Variants in NUP210L observed in about 807,000 individuals in gnomAD.
NUP210L encodes nucleoporin 210 like.
NUP210L carries 74 observed loss-of-function variants against 208.5 expected under a neutral mutation model. The ratio of observed to expected loss-of-function variants is 0.35; its 90% CI spans 0.29 to 0.43. The LOEUF (loss-of-function observed/expected upper bound fraction) is 0.43, where lower values mean the gene tolerates loss of function less well. Ranked by LOEUF, NUP210L falls within the 20% of genes least tolerant of loss-of-function variation. NUP210L has a pLI of 1.00. For synonymous variants in NUP210L, 780 were observed against 816.9 expected (o/e 0.95, Z 0.77); for missense variants, 1,843 against 2,289.4 (o/e 0.81, Z 3.98).
chr1:154,025,513 TG>T (rs1313969757), intron 30 of NUP210L, 28 bp downstream of exon 30: 4 of 1,439,848 alleles, frequency 2.8e-6, no homozygotes, highest in African/African-American at 1.4e-5. Context: ...TTTATTTATT[TG>T]TTTTTTTTAG....
At position 154,029,917 on chromosome 1, in the gene NUP210L, G is replaced by A. The variant is rs191534009; in HGVS notation, c.3834C>T (p.Leu1278=). The A allele has an allele frequency of 2.1e-3, 3,438 of 1,608,720 alleles. 9 individuals carry two copies. Among genetic ancestry groups the A allele is most frequent in the South Asian group, 3.7e-3 (332 of 89,600 alleles). ...TTACCAGGATCTGTACTTCATCAGA[G>A]AGTTCCAACAAATTCCCCTCAAACT... The change falls in exon 28 of 40, where the codon CTC becomes CTT. Residue 1278 remains leucine, a synonymous_variant. Transcript: ENST00000368559.
exon 30 of NUP210L, chr1:154,025,690 C>G: frequency 6.2e-7 from 1 of 1,612,900 alleles, no homozygotes; most frequent in Non-Finnish European, 8.5e-7. Flanking sequence ...CTTGAGAACA[C>G]GAGAACTCAC....
At chr1:154,126,121 G>A (rs879492118) in intron 10 of NUP210L, among the ~76,000 whole-genome samples, 9 of 151,896 alleles carry the variant, frequency 5.9e-5, no homozygotes, top group South Asian at 2.1e-4. Flanking sequence ...CACAATGACC[G>A]CAAATGCAGA....
At chr1:154,105,446 G>A (rs180733461) in intron 12 of NUP210L, among the ~76,000 whole-genome samples, 260 of 145,736 alleles carry the variant, frequency 1.8e-3, no homozygotes, top group African/African-American at 6.5e-3. Flanking sequence ...CCGAGATCAC[G>A]CCACTGCACT....
At chr1:154,096,352 A>G (rs1656180274) in intron 14 of NUP210L, among the ~76,000 whole-genome samples, 1 of 152,246 alleles carries the variant, frequency 6.6e-6, no homozygotes, top group African/African-American at 2.4e-5. Context: ...AATTCAATAA[A>G]TATTCACTTA....
exon 28 of NUP210L, chr1:154,030,030 G>A: frequency 6.2e-7 from 1 of 1,607,324 alleles, no homozygotes; most frequent in Non-Finnish European, 8.5e-7. Flanking sequence ...GCAAAGTTAT[G>A]CTCTACTGGG....
chr1:154,025,355 CT>C (rs11326284), intron 30 of NUP210L, among the ~76,000 whole-genome samples, 186 bp downstream of exon 30: 38,390 of 125,558 alleles, frequency 0.31, 6,617 homozygotes, highest in East Asian at 0.62. Context: ...TCTTCTTCTC[CT>C]TTTTTTTTTT....
intron 16 of NUP210L, among the ~76,000 whole-genome samples, chr1:154,071,295 T>A (rs949799897): frequency 1.1e-4 from 16 of 151,966 alleles, no homozygotes; most frequent in Non-Finnish European, 1.6e-4. Context: ...TTTTAATTTT[T>A]AAATTTTTTT....
At chr1:154,135,779 G>A (rs1172137481) in intron 7 of NUP210L, 35 bp downstream of exon 7, 1 of 1,582,210 alleles carries the variant, frequency 6.3e-7, no homozygotes, top group Admixed American at 1.7e-5. Context: ...TCAAGGAAGT[G>A]TAGACTGGCA....
chr1:154,150,175 G>A (rs1659312731), intron 2 of NUP210L, among the ~76,000 whole-genome samples: 1 of 152,128 alleles, frequency 6.6e-6, no homozygotes, highest in African/African-American at 2.4e-5. Context: ...GGGAGTTCGA[G>A]ATGAGCCTGA....
intron 5 of NUP210L, among the ~76,000 whole-genome samples, chr1:154,139,264 G>A (rs973128294): frequency 6.6e-6 from 1 of 152,072 alleles, no homozygotes. Flanking sequence ...TTTCAAATCA[G>A]TGAACTCATG....
intron 15 of NUP210L, among the ~76,000 whole-genome samples, chr1:154,090,472 C>T (rs950471736): frequency 3.3e-5 from 5 of 152,076 alleles, no homozygotes; most frequent in African/African-American, 1.2e-4. Flanking sequence ...TGATAAAAGC[C>T]TTACCACAGT....
Position 154,152,872 on chromosome 1 carries a change from C to T in NUP210L, c.204G>A (p.Trp68Ter). Residue 68 changes from tryptophan to a stop codon, truncating the protein, a stop_gained and splice_region_variant, in exon 2 of 40, where the codon TGG becomes TGA. Coordinates refer to ENST00000368559, the Ensembl canonical transcript of NUP210L. LOFTEE classifies it high-confidence loss of function. ...TAACTGCATCATGATGGGTGGAATG[C>T]CTGCCAGAACAAAATTCTTAAGAGT... 1 of 1,613,714 alleles carries T rather than the reference C, an allele frequency of 6.2e-7. No individual in the cohort carries two copies. Among genetic ancestry groups the T allele is most frequent in the Non-Finnish European group, 8.5e-7 (1 of 1,179,742 alleles).
At chr1:154,139,764 A>G in intron 5 of NUP210L, 38 bp downstream of exon 5, 1 of 1,577,200 alleles carries the variant, frequency 6.3e-7, no homozygotes, top group Non-Finnish European at 8.7e-7. Flanking sequence ...ATCTTGAAAA[A>G]ACAAGTAAGG....
intron 27 of NUP210L, among the ~76,000 whole-genome samples, chr1:154,043,267 G>T (rs1402798073): frequency 6.6e-6 from 1 of 151,524 alleles, no homozygotes; most frequent in Non-Finnish European, 1.5e-5. Context: ...TGATCCACGC[G>T]CCTCGGCCTC....
chr1:154,150,788 T>C (rs1231988232), intron 2 of NUP210L, among the ~76,000 whole-genome samples: 1 of 151,968 alleles, frequency 6.6e-6, no homozygotes, highest in African/African-American at 2.4e-5. Flanking sequence ...CTTTTTACCT[T>C]TATATATGCC....
chr1:154,113,621 A>T (rs1163663467), intron 12 of NUP210L, among the ~76,000 whole-genome samples: 1 of 152,120 alleles, frequency 6.6e-6, no homozygotes, highest in Non-Finnish European at 1.5e-5. Flanking sequence ...GCATTTTGGG[A>T]GGCCAAGGCG....
chr1:154,009,741 A>G (rs1650792139), intron 35 of NUP210L, among the ~76,000 whole-genome samples: 1 of 149,780 alleles, frequency 6.7e-6, no homozygotes, highest in Non-Finnish European at 1.5e-5. Context: ...ACAGTGAGCT[A>G]TGATCACACC....
chr1:154,009,983 C>A (rs988436364), exon 35 of NUP210L: 2 of 1,610,098 alleles, frequency 1.2e-6, no homozygotes, highest in African/African-American at 1.3e-5. Context: ...TTTCTCCATA[C>A]TGAAATCTGA....
Sources: gnomAD v4.1 joint callset for allele counts (sites outside exome capture counted in the v4.1 genomes callset) on GRCh38, gnomAD v4.1.1 for gene constraint, MANE v1.5 for transcripts, NCBI Gene and HGNC (gene_info 2026-07-23, HGNC 2026-07-21) for gene names.